Variants in TSPAN12 observed in about 807,000 individuals in gnomAD.
TSPAN12 encodes the protein tetraspanin-12.
Under a neutral mutation model 39.2 loss-of-function variants are expected in TSPAN12, and 19 were observed. The observed-to-expected ratio is 0.49, with a 90% CI of 0.34 to 0.71. The LOEUF (loss-of-function observed/expected upper bound fraction) is 0.71, where lower values mean the gene tolerates loss of function less well. Among genes scored for constraint, TSPAN12 ranks in the 30% least tolerant of loss-of-function variants. The pLI, the probability that TSPAN12 is intolerant of heterozygous loss-of-function variation, is 0.01. For synonymous variants in TSPAN12, 119 were observed against 124.8 expected (o/e 0.95, Z 0.31); for missense variants, 314 against 359.9 (o/e 0.87, Z 1.03).
chr7:120,814,497 A>T (rs918298684), intron 5 of TSPAN12, among the ~76,000 whole-genome samples: 1 of 152,226 alleles, frequency 6.6e-6, no homozygotes, highest in Non-Finnish European at 1.5e-5. Flanking sequence ...CATTTTACTA[A>T]AACAGAATTA....
At chr7:120,802,431 A>T (rs978791420) in intron 7 of TSPAN12, among the ~76,000 whole-genome samples, 3 of 152,178 alleles carry the variant, frequency 2.0e-5, no homozygotes, top group Non-Finnish European at 4.4e-5. Context: ...TAACTCCCTC[A>T]CCAACAAAGC....
At chr7:120,829,266 C>A (rs558994145) in intron 4 of TSPAN12, among the ~76,000 whole-genome samples, 1 of 151,998 alleles carries the variant, frequency 6.6e-6, no homozygotes, top group Non-Finnish European at 1.5e-5. Context: ...ACATGGATTA[C>A]AATTCTAAAA....
chr7:120,840,506 G>C, intron 2 of TSPAN12, among the ~76,000 whole-genome samples: 1 of 148,522 alleles, frequency 6.7e-6, no homozygotes, highest in Non-Finnish European at 1.5e-5. Context: ...AAAGTCACAA[G>C]TTAATTTAAA....
intron 2 of TSPAN12, among the ~76,000 whole-genome samples, chr7:120,856,000 A>G (rs898568635): frequency 6.6e-6 from 1 of 152,256 alleles, no homozygotes; most frequent in African/African-American, 2.4e-5. Context: ...ATTATTAATC[A>G]TACTTTATTA....
chr7:120,838,516 A>T (rs572928930), intron 4 of TSPAN12, among the ~76,000 whole-genome samples: 1 of 152,376 alleles, frequency 6.6e-6, no homozygotes, highest in South Asian at 2.1e-4. Flanking sequence ...CTACAAGGAC[A>T]CTAGAAAGAA....
chr7:120,850,106 C>T (rs1319736205), intron 2 of TSPAN12, among the ~76,000 whole-genome samples: 1 of 152,186 alleles, frequency 6.6e-6, no homozygotes, highest in Admixed American at 6.5e-5. Flanking sequence ...AAAGAATAGG[C>T]AATGTAAATG....
chr7:120,803,365 C>T (rs1793810966), intron 7 of TSPAN12, among the ~76,000 whole-genome samples: 1 of 152,150 alleles, frequency 6.6e-6, no homozygotes, highest in South Asian at 2.1e-4. Flanking sequence ...CAAATACCTC[C>T]AGCTGTTCCT....
intron 6 of TSPAN12, among the ~76,000 whole-genome samples, chr7:120,807,947 T>C (rs942396263): frequency 2.6e-5 from 4 of 152,134 alleles, no homozygotes; most frequent in African/African-American, 7.2e-5. Context: ...TAGTCAATAA[T>C]TTGATGTCAC....
chr7:120,796,659 A>G (rs1391216742), intron 7 of TSPAN12, among the ~76,000 whole-genome samples: 3 of 152,172 alleles, frequency 2.0e-5, no homozygotes, highest in Non-Finnish European at 4.4e-5. Flanking sequence ...AAATTTTAGT[A>G]TCTCTGCCCT....
At chr7:120,820,748 G>C (rs1335198008) in intron 4 of TSPAN12, among the ~76,000 whole-genome samples, 4 of 152,074 alleles carry the variant, frequency 2.6e-5, no homozygotes, top group African/African-American at 9.7e-5. Flanking sequence ...TCACACAGCA[G>C]GTATTGGGTG....
intron 4 of TSPAN12, among the ~76,000 whole-genome samples, chr7:120,828,994 T>C (rs1445270349): frequency 6.6e-6 from 1 of 152,206 alleles, no homozygotes; most frequent in Non-Finnish European, 1.5e-5. Flanking sequence ...AATGTCATTA[T>C]TTTAAGGAAA....
chr7:120,856,717 G>A lies in TSPAN12; in HGVS notation c.47C>T (p.Ala16Val). 1 of 1,614,208 alleles carries A rather than the reference G, an allele frequency of 6.2e-7. No homozygotes were observed. Among genetic ancestry groups the A allele is most frequent in the Non-Finnish European group, 8.5e-7 (1 of 1,180,034 alleles). The stretch of plus-strand genomic sequence containing the variant: ...ACTTACCCAAAAGAGCAGATTGAGG[G>A]CGTAGAGCAGGCAGCGCAGACACTT... ...SVKCLRCLLY[A>V]LNLLFWLMSI... Residue 16 changes from alanine (A) to valine (V), a missense_variant, in exon 2 of 8, where the codon GCC becomes GTC. By Grantham distance (64) the Ala-to-Val change is moderately conservative. Coordinates refer to ENST00000222747, the MANE Select transcript of TSPAN12 (RefSeq NM_012338.4).
At chr7:120,846,005 C>T (rs1441104133) in intron 2 of TSPAN12, among the ~76,000 whole-genome samples, 1 of 152,162 alleles carries the variant, frequency 6.6e-6, no homozygotes, top group Non-Finnish European at 1.5e-5. Context: ...TATGGTTCCA[C>T]AGGATGTACA....
At chr7:120,831,464 TAAAAAAACAAGG>T (rs982403049) in intron 4 of TSPAN12, among the ~76,000 whole-genome samples, 1 of 151,882 alleles carries the variant, frequency 6.6e-6, no homozygotes, top group African/African-American at 2.4e-5. Flanking sequence ...TATACAGCCC[TAAAAAAACAAGG>T]AAATTCTGTT....
intron 2 of TSPAN12, among the ~76,000 whole-genome samples, chr7:120,850,656 TA>T (rs927995490): frequency 6.6e-6 from 1 of 152,066 alleles, no homozygotes; most frequent in Non-Finnish European, 1.5e-5. Context: ...AATGTATATA[TA>T]AAAAGGTCGA....
At chr7:120,827,564 C>G (rs970987086) in intron 4 of TSPAN12, among the ~76,000 whole-genome samples, 4 of 152,180 alleles carry the variant, frequency 2.6e-5, no homozygotes, top group African/African-American at 9.6e-5. Flanking sequence ...GTAATTCAGT[C>G]TAAATGATAG....
intron 5 of TSPAN12, among the ~76,000 whole-genome samples, chr7:120,810,859 G>A (rs1198152429): frequency 1.3e-5 from 2 of 152,066 alleles, no homozygotes; most frequent in Non-Finnish European, 2.9e-5. Flanking sequence ...TCACCAACAA[G>A]TAATTAACTG....
At chr7:120,804,011 G>A (rs952029244) in intron 7 of TSPAN12, among the ~76,000 whole-genome samples, 4 of 152,162 alleles carry the variant, frequency 2.6e-5, no homozygotes, top group South Asian at 2.1e-4. Context: ...GGGAAGATCC[G>A]GTAAGTTGAT....
At chr7:120,831,744 T>C (rs1013959022) in intron 4 of TSPAN12, among the ~76,000 whole-genome samples, 7 of 152,006 alleles carry the variant, frequency 4.6e-5, no homozygotes, top group African/African-American at 9.7e-5. Context: ...ATGGTGACTA[T>C]AGAGTGATGT....
Sources: gnomAD v4.1 joint callset for allele counts (sites outside exome capture counted in the v4.1 genomes callset) on GRCh38, gnomAD v4.1.1 for gene constraint, MANE v1.5 for transcripts, NCBI Gene and HGNC (gene_info 2026-07-23, HGNC 2026-07-21) for gene names.